The following DRC9 variants were observed in gnomAD, a reference collection of about 807,000 sequenced individuals.
The protein encoded by DRC9 is dynein regulatory complex protein 9.
chr3:197,933,129 C>T, the DRC9 span, among the ~76,000 whole-genome samples: 1 of 144,746 alleles, frequency 6.9e-6, no homozygotes, highest in African/African-American at 2.6e-5. Context: ...ATTATACATA[C>T]GCATTTCCCT....
chr3:197,924,956 A>G, the DRC9 span, among the ~76,000 whole-genome samples: 1 of 152,164 alleles, frequency 6.6e-6, no homozygotes, highest in African/African-American at 2.4e-5. Context: ...TTTCTTATAA[A>G]AGTAAACTAG....
At chr3:197,951,037 G>C in the DRC9 span, 2 of 1,604,230 alleles carry the variant, frequency 1.2e-6, no homozygotes, top group South Asian at 2.2e-5. Flanking sequence ...GTAAATGCGA[G>C]CTTAAAATTG....
the DRC9 span, chr3:197,958,334 C>T: frequency 1.3e-5 from 2 of 152,212 alleles, no homozygotes; most frequent in Non-Finnish European, 2.9e-5. Flanking sequence ...GCCACCAGCT[C>T]AGATTATTTC....
At chr3:197,891,446 C>G in the DRC9 span, 1 of 1,535,902 alleles carries the variant, frequency 6.5e-7, no homozygotes, top group South Asian at 1.1e-5. Context: ...GGTTCTTTAC[C>G]TTTATAACGC....
the DRC9 span, among the ~76,000 whole-genome samples, chr3:197,941,966 G>T: frequency 2.0e-5 from 3 of 152,106 alleles, no homozygotes; most frequent in Non-Finnish European, 2.9e-5. Context: ...TTTGTTCTTA[G>T]ATCCTTATCT....
At chr3:197,913,774 G>T in the DRC9 span, 1 of 1,162,430 alleles carries the variant, frequency 8.6e-7, no homozygotes, top group Non-Finnish European at 1.3e-6. Context: ...GTTGCCGATA[G>T]AGATGGAGGG....
the DRC9 span, chr3:197,892,775 A>G: frequency 5.6e-6 from 9 of 1,613,930 alleles, no homozygotes; most frequent in Non-Finnish European, 7.6e-6. Flanking sequence ...TGGAAAGAAC[A>G]TGAAAACATG....
chr3:197,932,351 T>G, the DRC9 span: 1 of 1,546,172 alleles, frequency 6.5e-7, no homozygotes, highest in Non-Finnish European at 8.8e-7. Flanking sequence ...AATTCTATTT[T>G]CAGCCGGGCA....
the DRC9 span, among the ~76,000 whole-genome samples, chr3:197,932,740 T>C: frequency 1.4e-5 from 2 of 147,402 alleles, no homozygotes; most frequent in Admixed American, 6.9e-5. Context: ...GGTGGAAGAA[T>C]TGCTTGAGCC....
the DRC9 span, among the ~76,000 whole-genome samples, chr3:197,944,403 C>T: frequency 6.6e-6 from 1 of 151,882 alleles, no homozygotes; most frequent in Non-Finnish European, 1.5e-5. Context: ...GGATTACAGG[C>T]ATGTGCTACC....
At chr3:197,931,162 A>G in the DRC9 span, among the ~76,000 whole-genome samples, 1 of 152,144 alleles carries the variant, frequency 6.6e-6, no homozygotes. Context: ...AAAATGCAGG[A>G]TCAATCATTA....
the DRC9 span, chr3:197,892,842 A>G: frequency 3.9e-6 from 6 of 1,528,922 alleles, no homozygotes; most frequent in African/African-American, 1.4e-5. Flanking sequence ...ACGAGTTTCA[A>G]GATTAAGCAG....
At chr3:197,904,540 A>G in the DRC9 span, among the ~76,000 whole-genome samples, 1 of 152,154 alleles carries the variant, frequency 6.6e-6, no homozygotes, top group African/African-American at 2.4e-5. Flanking sequence ...TTTGGAAGCA[A>G]TGTAAGTGTC....
chr3:197,918,099 T>TTA, the DRC9 span, among the ~76,000 whole-genome samples: 1 of 79,112 alleles, frequency 1.3e-5, no homozygotes, highest in Non-Finnish European at 2.3e-5. Flanking sequence ...TCAGTGAATC[T>TTA]TTTTTTTTTT....
the DRC9 span, chr3:197,952,475 T>G: frequency 6.6e-6 from 1 of 151,874 alleles, no homozygotes. Context: ...GCCCCTTGTT[T>G]TTTCTTTTCT....
the DRC9 span, chr3:197,892,555 T>G: frequency 1.2e-4 from 183 of 1,570,648 alleles, 3 homozygotes; most frequent in Middle Eastern, 6.8e-4. Context: ...CCTAATTCCT[T>G]CCACTCCCTC....
the DRC9 span, chr3:197,912,858 T>A: frequency 5.8e-6 from 5 of 865,078 alleles, no homozygotes; most frequent in Admixed American, 9.5e-5. Flanking sequence ...CTTTACCAGC[T>A]GGGATCCCGG....
chr3:197,901,046 A>G, the DRC9 span, among the ~76,000 whole-genome samples: 30 of 152,122 alleles, frequency 2.0e-4, no homozygotes, highest in African/African-American at 7.2e-4. The surrounding 1 kb of genome is among the most constrained non-coding windows in gnomAD (Gnocchi z 4.4). Flanking sequence ...AAAGCAGAGG[A>G]AAAAGTAAAA....
the DRC9 span, among the ~76,000 whole-genome samples, chr3:197,890,850 C>G: frequency 1.3e-5 from 2 of 152,088 alleles, no homozygotes; most frequent in South Asian, 4.1e-4. Context: ...ATATACAACC[C>G]AAACTACAGT....
Sources: allele counts gnomAD v4.1 joint callset (sites outside exome capture counted in the v4.1 genomes callset), GRCh38; gene constraint gnomAD v4.1.1; non-coding constraint Gnocchi (gnomAD v3.1); transcripts MANE v1.5; gene names NCBI Gene and HGNC (gene_info 2026-07-23, HGNC 2026-07-21).